EPHB6: variants seen among roughly 807,000 people sequenced by gnomAD.
The protein encoded by EPHB6 is EPH receptor B6.
EPHB6 carries 51 observed loss-of-function variants against 107.0 expected under a neutral mutation model. That is an observed-to-expected ratio of 0.48 (90% CI 0.38 to 0.60). The LOEUF (loss-of-function observed/expected upper bound fraction) is 0.60, where lower values mean the gene tolerates loss of function less well. Among genes scored for constraint, EPHB6 ranks in the 20% least tolerant of loss-of-function variants. The pLI, the probability that EPHB6 is intolerant of heterozygous loss-of-function variation, is 0.00. For synonymous variants in EPHB6, 553 were observed against 549.0 expected, an observed-to-expected ratio of 1.01 and a Z score of -0.10; for missense variants, 1,141 against 1,355.5, an observed-to-expected ratio of 0.84 and a Z score of 2.48.
At position 142,864,657 on chromosome 7, in the gene EPHB6, A is replaced by G; in HGVS notation, c.857A>G (p.His286Arg). Residue 286 changes from histidine (H) to arginine (R), a missense_variant, in exon 7 of 20, where the codon CAC (histidine) becomes CGC (arginine). Physicochemically the swap from His to Arg is conservative, Grantham distance 29 (BLOSUM62 0). Transcript: ENST00000652003. ...GCAGGAGGCAGCCCCCCCAGGCTGCACTGCAACGGGGAGGGCAAGTGGATG... is the reference window on the plus strand; with the variant it reads ...GCAGGAGGCAGCCCCCCCAGGCTGCGCTGCAACGGGGAGGGCAAGTGGATG... ...GQAGGSPPRL[H>R]CNGEGKWMVA... The G allele has an allele frequency of 6.2e-7, 1 of 1,612,884 alleles. No individual in the cohort carries two copies. The highest frequency in any genetic ancestry group is 8.5e-7 in the Non-Finnish European group (1 of 1,179,910).
In EPHB6 at chr7:142,870,972, G is replaced by A; in HGVS notation, c.*68G>A. 1.4e-6 allele frequency: 2 copies of A among 1,461,958 alleles called. No homozygotes were observed. The highest frequency in any genetic ancestry group is 1.2e-5 in the South Asian group (1 of 84,324). The allele number at this position is 1,461,958 out of a possible 1,614,324, so 90.6% of individuals were successfully genotyped here. A position where few individuals can be genotyped will look rare whatever the true frequency, so the allele number is the denominator to read the frequency against. ...AAGGGACATGTGGGACGTGAGCCGG[G>A]CTCCAACAGCCTCTGTGAGAGATGC... is the stretch of plus-strand genomic sequence containing the variant. On this transcript the variant is annotated 3_prime_UTR_variant, in exon 20 of 20. Transcript: ENST00000652003.
At chr7:142,865,857 C>A in intron 8 of EPHB6, 103 bp from the exon 9 acceptor site, 1 of 1,303,882 alleles carries the variant, frequency 7.7e-7, no homozygotes. Flanking sequence ...TCTTCTGTCT[C>A]CTTCCCTCTC....
At chr7:142,865,925 T>C in intron 8 of EPHB6, 35 bp from the exon 9 acceptor site, 1 of 1,605,132 alleles carries the variant, frequency 6.2e-7, no homozygotes, top group Non-Finnish European at 8.5e-7. Flanking sequence ...GCTGCCCTCT[T>C]GGCCCTTGGA....
At chr7:142,859,442 G>A (rs1010047387) in intron 1 of EPHB6, among the ~76,000 whole-genome samples, 21 of 152,188 alleles carry the variant, frequency 1.4e-4, no homozygotes, top group Non-Finnish European at 2.1e-4. Flanking sequence ...AATCTGCAGT[G>A]GTATGAATTT....
rs374051998 is a variant in EPHB6 at position 142,864,112 on chromosome 7, C to T, written c.312C>T (p.His104=). The change falls in exon 7 of 20, where the codon CAC becomes CAT. Residue 104 remains histidine (H), a synonymous_variant. Transcript: ENST00000652003. Reference sequence around the variant, plus strand: ...AGCGGCGCGGGGCCCAGAGGGCGCACATTCGACTCCACTTCTCTGTGCGGG... The same window carrying T: ...AGCGGCGCGGGGCCCAGAGGGCGCATATTCGACTCCACTTCTCTGTGCGGG... ...FVERRGAQRA[H]IRLHFSVRAC... 57 of 1,613,910 alleles carry T rather than the reference C, an allele frequency of 3.5e-5. No homozygotes were observed. The highest frequency in any genetic ancestry group is 4.7e-5 in the Non-Finnish European group (55 of 1,180,050).
rs1005477437 is a variant in EPHB6 at position 142,855,641 on chromosome 7, C to T, written c.-432+256C>T. On this transcript the variant is annotated intron_variant, in intron 1 of 19. Coordinates refer to ENST00000652003, the MANE Select transcript of EPHB6 (RefSeq NM_004445.6). The surrounding 1 kb of genome is among the most constrained non-coding windows in gnomAD (Gnocchi z 4.2). ...CATTACCCTTGCTGTTAGGATCCCC[C>T]AGTTGCGTTCCCAGACATTCTCCTC... Among the ~76,000 whole-genome samples, 2 of 152,150 alleles carry T rather than the reference C, an allele frequency of 1.3e-5. No individual in the cohort carries two copies. Among genetic ancestry groups the T allele is most frequent in the African/African-American group, 4.8e-5 (2 of 41,432 alleles).
Position 142,863,297 on chromosome 7 carries a change from C to T in EPHB6, c.70C>T (p.Leu24Phe), listed in dbSNP as rs1217723574. 9 of 1,613,760 alleles carry T rather than the reference C, an allele frequency of 5.6e-6. No homozygotes were observed. The highest frequency in any genetic ancestry group is 7.6e-6 in the Non-Finnish European group (9 of 1,179,928). Residue 24 changes from leucine to phenylalanine, a missense_variant, in exon 5 of 20, where the codon CTC becomes TTC. Physicochemically the swap from Leu to Phe is conservative, Grantham distance 22. Transcript: ENST00000652003. Reference sequence around the variant, plus strand: ...CATGGTGTGTAGCCTATGGGTGCTGCTCCTGGTGTCTTCAGTTCTGGCTCT... The same window carrying T: ...CATGGTGTGTAGCCTATGGGTGCTGTTCCTGGTGTCTTCAGTTCTGGCTCT... ...AGMVCSLWVLLLVSSVLALEE... is the reference protein window; with the variant it reads ...AGMVCSLWVLFLVSSVLALEE...
Position 142,866,409 on chromosome 7 carries a change from C to T in EPHB6, c.1463-72C>T, listed in dbSNP as rs1422162771. On this transcript the variant is annotated intron_variant, in intron 9 of 19. Transcript: ENST00000652003. This position sits in a 1 kb window ranked among gnomAD's most constrained non-coding sequence, Gnocchi z 5.2. ...GATCTCCAGCCTGGTCCACCCCTGC[C>T]GCCCTCCCCTCAAGGCTGATCCTGC... 7 of 1,612,102 alleles carry T rather than the reference C, an allele frequency of 4.3e-6. No individual in the cohort carries two copies. Among genetic ancestry groups the T allele is most frequent in the Admixed American group, 1.7e-5 (1 of 60,006 alleles).
intron 1 of EPHB6, among the ~76,000 whole-genome samples, chr7:142,858,929 T>G (rs1802727518): frequency 6.6e-6 from 1 of 152,222 alleles, no homozygotes; most frequent in Non-Finnish European, 1.5e-5. Flanking sequence ...TAAAAGAAGC[T>G]GAGAACATAT....
chr7:142,864,028 T>C lies in EPHB6; in HGVS notation c.228T>C (p.His76=), dbSNP rs56300555. 0.013 allele frequency: 21,741 copies of C among 1,614,132 alleles called. 189 individuals are homozygous for C. Among genetic ancestry groups the C allele is most frequent in the Non-Finnish European group, 0.016 (19,239 of 1,180,032 alleles). The change falls in exon 7 of 20, where the codon CAT becomes CAC. Residue 76 remains histidine (H), a synonymous_variant. Coordinates refer to ENST00000652003, the MANE Select transcript of EPHB6 (RefSeq NM_004445.6). ...TGACTCGGACCTTTGAGGCATGTCA[T>C]GTGGCAGGGGCCCCTCCAGGCACCG... ...RRLTRTFEAC[H]VAGAPPGTGQ...
intron 8 of EPHB6, 120 bp from the exon 9 acceptor site, chr7:142,865,840 C>G (rs1374097133): frequency 8.3e-7 from 1 of 1,205,714 alleles, no homozygotes; most frequent in African/African-American, 1.5e-5. Context: ...CTACCCCCAC[C>G]CCACGCTCTT....
Position 142,870,561 on chromosome 7 carries a change from C to T in EPHB6, c.2836C>T (p.Leu946=), listed in dbSNP as rs1412620546. The T allele has an allele frequency of 6.2e-7, 1 of 1,614,262 alleles. No homozygotes were observed. Among genetic ancestry groups the T allele is most frequent in the Non-Finnish European group, 8.5e-7 (1 of 1,180,048 alleles). ...CCAGGCCCTTCTGACCCCTGTGGCC[C>T]TGGACTTTCCTTGTCTGGACTCACC... The part of the protein sequence containing the change: ...PSQALLTPVA[L]DFPCLDSPQA... The change falls in exon 19 of 20, where the codon CTG becomes TTG. Residue 946 remains leucine, a synonymous_variant. Coordinates refer to ENST00000652003, the MANE Select transcript of EPHB6 (RefSeq NM_004445.6).
chr7:142,870,936 A>G lies in EPHB6; in HGVS notation c.*32A>G. On this transcript the variant is annotated 3_prime_UTR_variant, in exon 20 of 20. Transcript: ENST00000652003. Reference sequence around the variant, plus strand: ...CGATACCCGTGACTCAGCCCTGGACACTGGTCCGAGAAGGGACATGTGGGA... The same window carrying G: ...CGATACCCGTGACTCAGCCCTGGACGCTGGTCCGAGAAGGGACATGTGGGA... 1 of 1,595,508 alleles carries G rather than the reference A, an allele frequency of 6.3e-7. No homozygotes were observed. The highest frequency in any genetic ancestry group is 8.5e-7 in the Non-Finnish European group (1 of 1,171,664).
Position 142,869,159 on chromosome 7 carries a change from G to A in EPHB6, c.2460+12G>A, listed in dbSNP as rs776586574. ...GCCACAGTCCTCAGGTGAGAGCACA[G>A]CCTTGGGGACACAGCCTGGGGCCTT... On this transcript the variant is annotated intron_variant, in intron 16 of 19. Coordinates refer to ENST00000652003, the MANE Select transcript of EPHB6 (RefSeq NM_004445.6). This position sits in a 1 kb window ranked among gnomAD's most constrained non-coding sequence, Gnocchi z 4.5. The A allele has an allele frequency of 2.5e-6, 4 of 1,609,756 alleles. 1 individual carries two copies. Among genetic ancestry groups the A allele is most frequent in the Non-Finnish European group, 3.4e-6 (4 of 1,177,878 alleles).
In EPHB6 at chr7:142,865,630, G is replaced by C; in HGVS notation, c.1105G>C (p.Gly369Arg). The change falls in exon 8 of 20, where the codon GGT (glycine) becomes CGT (arginine). Residue 369 changes from glycine (G) to arginine (R), a missense_variant and splice_region_variant. By Grantham distance (125) the Gly-to-Arg change is moderately radical. This residue lies in a region of EPHB6 where 304 missense variants were observed against 295.7 expected (regional missense o/e 1.03). Coordinates refer to ENST00000652003, the MANE Select transcript of EPHB6 (RefSeq NM_004445.6). ...SSDPPEAPCT[G>R]PPSAPQELWF... The stretch of plus-strand genomic sequence containing the variant: ...CGACCCACCAGAGGCCCCCTGCACT[G>C]GTGAGTTCCTCACCCAGCCCTGCAA... The C allele has an allele frequency of 1.9e-6, 3 of 1,613,092 alleles. No individual in the cohort carries two copies. The highest frequency in any genetic ancestry group is 2.5e-6 in the Non-Finnish European group (3 of 1,179,944).
Position 142,864,027 on chromosome 7 carries a change from A to T in EPHB6, c.227A>T (p.His76Leu). ...CTGACTCGGACCTTTGAGGCATGTC[A>T]TGTGGCAGGGGCCCCTCCAGGCACC... ...RRLTRTFEAC[H>L]VAGAPPGTGQ... Residue 76 changes from histidine to leucine, a missense_variant, in exon 7 of 20, where the codon CAT becomes CTT. Coordinates refer to ENST00000652003, the MANE Select transcript of EPHB6 (RefSeq NM_004445.6). 6.2e-7 allele frequency: 1 copy of T among 1,614,134 alleles called. No individual in the cohort carries two copies. The highest frequency in any genetic ancestry group is 8.5e-7 in the Non-Finnish European group (1 of 1,180,026).
rs1419220525 is a variant in EPHB6, at chr7:142,868,980, G to C, written c.2293G>C (p.Glu765Gln). 1 of 1,608,900 alleles carries C rather than the reference G, an allele frequency of 6.2e-7. No homozygotes were observed. Among genetic ancestry groups the C allele is most frequent in the Non-Finnish European group, 8.5e-7 (1 of 1,179,894 alleles). Reference protein sequence around the residue: ...GPLDSFLRQREGQFSSLQLVA... With the variant: ...GPLDSFLRQRQGQFSSLQLVA... Reference sequence around the variant, plus strand: ...CCCTGCCCCTTCCCCTCAGCAGCGGGAGGGCCAGTTCAGCAGCCTGCAGCT... The same window carrying C: ...CCCTGCCCCTTCCCCTCAGCAGCGGCAGGGCCAGTTCAGCAGCCTGCAGCT... The change falls in exon 16 of 20, where the codon GAG becomes CAG. Residue 765 changes from glutamate (E) to glutamine (Q), a missense_variant. By Grantham distance (29) the Glu-to-Gln change is conservative. Around this residue, in one of 3 missense-constraint regions of EPHB6, gnomAD observed 616 missense variants for 759.3 expected, o/e 0.81. Coordinates refer to ENST00000652003, the MANE Select transcript of EPHB6 (RefSeq NM_004445.6). The surrounding 1 kb of genome is among the most constrained non-coding windows in gnomAD (Gnocchi z 4.2).
At chr7:142,870,706 T>TG (rs1283839450) in intron 19 of EPHB6, 21 bp downstream of exon 19, 4 of 1,613,842 alleles carry the variant, frequency 2.5e-6, no homozygotes, top group African/African-American at 1.3e-5. Flanking sequence ...AGTGGTGGGG[T>TG]GGGGGCGAAT....
intron 19 of EPHB6, 28 bp downstream of exon 19, chr7:142,870,713 G>A (rs1222846791): frequency 5.0e-6 from 8 of 1,614,210 alleles, no homozygotes; most frequent in East Asian, 2.2e-5. Flanking sequence ...GGGTGGGGGC[G>A]AATGCTCCAG....
Sources: allele counts gnomAD v4.1 joint callset (sites outside exome capture counted in the v4.1 genomes callset), GRCh38; gene constraint gnomAD v4.1.1; regional missense constraint gnomAD v4.1.1; non-coding constraint Gnocchi (gnomAD v3.1); transcripts MANE v1.5; gene names NCBI Gene and HGNC (gene_info 2026-07-23, HGNC 2026-07-21).